The following ATG2B variants were observed in gnomAD, a reference collection of about 807,000 sequenced individuals.
ATG2B encodes autophagy-related protein 2 homolog B.
ATG2B carries 121 observed loss-of-function variants against 241.3 expected under a neutral mutation model. The ratio of observed to expected loss-of-function variants is 0.50; its 90% confidence interval spans 0.43 to 0.58. The LOEUF is 0.58. Ranked by LOEUF, ATG2B falls within the 20% of genes least tolerant of loss-of-function variation. The pLI is 0.00. For synonymous variants in ATG2B, 858 were observed against 876.6 expected, an observed-to-expected ratio of 0.98 and a Z score of 0.37; for missense variants, 2,306 against 2,491.6, an observed-to-expected ratio of 0.93 and a Z score of 1.59.
intron 1 of ATG2B, among the ~76,000 whole-genome samples, chr14:96,351,388 G>C (rs927609906): frequency 1.3e-5 from 2 of 152,158 alleles, no homozygotes; most frequent in Admixed American, 6.5e-5. Flanking sequence ...GATTGCTTGA[G>C]TCCAGGAATT....
At chr14:96,319,948 G>C (rs140218709) in intron 18 of ATG2B, among the ~76,000 whole-genome samples, 1,569 of 152,294 alleles carry the variant, frequency 0.01, 35 homozygotes, top group African/African-American at 0.036. Context: ...ATCCCAGAAA[G>C]TGAGGGAGCG....
At chr14:96,347,380 C>T in intron 1 of ATG2B, 39 bp from the exon 2 acceptor site, 1 of 1,492,148 alleles carries the variant, frequency 6.7e-7, no homozygotes, top group Non-Finnish European at 9.1e-7. Flanking sequence ...ATCACAAGAA[C>T]AAGAACACAA....
intron 1 of ATG2B, 32 bp downstream of exon 1, chr14:96,362,782 AG>A (rs749820066): frequency 1.1e-5 from 17 of 1,581,764 alleles, no homozygotes; most frequent in Non-Finnish European, 1.4e-5. Context: ...GAGGGGAGCG[AG>A]CCCCGCCCGG....
intron 11 of ATG2B, among the ~76,000 whole-genome samples, chr14:96,331,055 C>T (rs142486380): frequency 4.6e-5 from 7 of 152,310 alleles, no homozygotes; most frequent in African/African-American, 1.7e-4. Flanking sequence ...TTCACGACTG[C>T]AGTGGTGTCA....
At chr14:96,336,039 C>T (rs911198811) in intron 6 of ATG2B, among the ~76,000 whole-genome samples, 1 of 151,754 alleles carries the variant, frequency 6.6e-6, no homozygotes, top group East Asian at 1.9e-4. Context: ...TCTCTAAATT[C>T]AATACGGGCA....
intron 14 of ATG2B, among the ~76,000 whole-genome samples, chr14:96,327,646 A>G (rs1887619464): frequency 6.6e-6 from 1 of 152,208 alleles, no homozygotes; most frequent in South Asian, 2.1e-4. Flanking sequence ...AAGGAAACCT[A>G]ATTCCACTGT....
intron 1 of ATG2B, among the ~76,000 whole-genome samples, chr14:96,359,259 C>CTACT (rs1888561060): frequency 6.6e-6 from 1 of 151,992 alleles, no homozygotes; most frequent in South Asian, 2.1e-4. Context: ...GTAGTCCCAG[C>CTACT]TACTGCAGGG....
Position 96,347,187 on chromosome 14 carries a change from G to C in ATG2B, c.317C>G (p.Pro106Arg). 6.3e-7 allele frequency: 1 copy of C among 1,585,100 alleles called. No individual in the cohort carries two copies. The highest frequency in any genetic ancestry group is 1.3e-5 in the African/African-American group (1 of 74,674). Reference protein sequence around the residue: ...RGLEMVFRPRPRPATGSEPMY... With the variant: ...RGLEMVFRPRRRPATGSEPMY... ...ACATACAACACACCAACCTGGGCGA[G>C]GTCTAGGCCGGAAGACCATTTCTAA... Residue 106 changes from proline (P) to arginine (R), a missense_variant, in exon 2 of 42, where the codon CCT (proline) becomes CGT (arginine). This residue lies in a region of ATG2B where 1,927 missense variants were observed against 2,011.2 expected (regional missense o/e 0.96). Coordinates refer to ENST00000359933, the MANE Select transcript of ATG2B (RefSeq NM_018036.7).
At position 96,352,577 on chromosome 14, in the gene ATG2B, T is replaced by G. The variant is rs140448419; in HGVS notation, c.163-5236A>C. Among the ~76,000 whole-genome samples, 816 of 152,034 alleles carry G rather than the reference T, an allele frequency of 5.4e-3. 27 individuals are homozygous for G. In the South Asian group the frequency reaches 0.067, roughly 12 times the overall value. ...CCCTGTGTAGGCCTAGGCTGTGTTTTTTTGCGTCTTAGTTTTTGACAAAAA... is the reference window on the plus strand; with the variant it reads ...CCCTGTGTAGGCCTAGGCTGTGTTTGTTTGCGTCTTAGTTTTTGACAAAAA... On this transcript the variant is annotated intron_variant, in intron 1 of 41. Coordinates refer to ENST00000359933, the MANE Select transcript of ATG2B (RefSeq NM_018036.7).
intron 32 of ATG2B, 123 bp downstream of exon 32, chr14:96,304,372 C>A: frequency 3.2e-6 from 2 of 632,992 alleles, no homozygotes; most frequent in Non-Finnish European, 2.8e-6. Flanking sequence ...TATACAAGAT[C>A]CTTGCACTTT....
intron 32 of ATG2B, 64 bp downstream of exon 32, chr14:96,304,430 GA>G: frequency 8.3e-7 from 1 of 1,209,406 alleles, no homozygotes; most frequent in Non-Finnish European, 1.2e-6. Flanking sequence ...CGTGGTGGGG[GA>G]TAACAAAAGA....
In ATG2B at chr14:96,341,600, T is replaced by A; in HGVS notation, c.846A>T (p.Pro282=). The A allele has an allele frequency of 6.2e-7, 1 of 1,607,364 alleles. No individual in the cohort carries two copies. The highest frequency in any genetic ancestry group is 8.5e-7 in the Non-Finnish European group (1 of 1,175,860). ...RNLPEIAPSD[P]VQIGRLIGRL... is the part of the protein sequence containing the mutation. ...TACCAATTAACCGTCCAATCTGCAC[T>A]GGGTCAGAAGGTGCTATCTCTGGTA... The change falls in exon 6 of 42, where the codon CCA becomes CCT. Residue 282 remains proline, a synonymous_variant. Coordinates refer to ENST00000359933, the MANE Select transcript of ATG2B (RefSeq NM_018036.7).
intron 34 of ATG2B, among the ~76,000 whole-genome samples, chr14:96,299,989 C>T (rs564786147): frequency 1.2e-4 from 19 of 152,124 alleles, no homozygotes; most frequent in Non-Finnish European, 2.6e-4. Context: ...TTAAAAGAGG[C>T]GAACTGAAAA....
rs267604117 is a variant in ATG2B at position 96,289,755 on chromosome 14, G to A, written c.5907C>T (p.Ile1969=). 13 of 1,614,138 alleles carry A rather than the reference G, an allele frequency of 8.1e-6. No homozygotes were observed. The highest frequency in any genetic ancestry group is 3.3e-5 in the South Asian group (3 of 91,082). ...GAAACCTTTTGGTCTTCTTGGGCTC[G>A]ATAGAAAGGGTACCAGGAGACACCA... ...YDMVSPGTLS[I]EPKKTKRFPH... is the part of the protein sequence containing the mutation. Residue 1969 remains isoleucine (I), a synonymous_variant, in exon 41 of 42, where the codon ATC becomes ATT. Coordinates refer to ENST00000359933, the MANE Select transcript of ATG2B (RefSeq NM_018036.7). The surrounding 1 kb of genome is among the most constrained non-coding windows in gnomAD (Gnocchi z 4.3).
intron 41 of ATG2B, 76 bp from the exon 42 acceptor site, chr14:96,286,061 C>T: frequency 8.9e-7 from 1 of 1,125,838 alleles, no homozygotes; most frequent in East Asian, 2.6e-5. Context: ...AGCTATCCTG[C>T]AGTACACACT....
chr14:96,348,255 T>C (rs996182908), intron 1 of ATG2B, among the ~76,000 whole-genome samples: 3 of 152,196 alleles, frequency 2.0e-5, no homozygotes, highest in Non-Finnish European at 4.4e-5. Flanking sequence ...ACTTTGCATG[T>C]TCTCACTTAT....
In ATG2B at chr14:96,291,681, C is replaced by A. The variant is rs1364523545; in HGVS notation, c.5498G>T (p.Gly1833Val). 1.9e-6 allele frequency: 3 copies of A among 1,602,818 alleles called. No individual in the cohort carries two copies. Among genetic ancestry groups the A allele is most frequent in the South Asian group, 1.1e-5 (1 of 89,196 alleles). Residue 1833 changes from glycine to valine, a missense_variant and splice_region_variant, in exon 38 of 42, where the codon GGT becomes GTT. Physicochemically the swap from Gly to Val is moderately radical, Grantham distance 109. Around this residue, in one of 2 missense-constraint regions of ATG2B, gnomAD observed 379 missense variants for 480.4 expected, o/e 0.79. Transcript: ENST00000359933. ...YHGKHVSMDQ[G>V]TLAGILIGLA... ...ACCAATCAAAATCCCAGCTAGCGTACCCTTCAAAATTAAAAAAGGCCAAAT... is the reference window on the plus strand; with the variant it reads ...ACCAATCAAAATCCCAGCTAGCGTAACCTTCAAAATTAAAAAAGGCCAAAT...
At chr14:96,308,460 C>G (rs75759991) in intron 29 of ATG2B, among the ~76,000 whole-genome samples, 3 of 115,630 alleles carry the variant, frequency 2.6e-5, no homozygotes, top group Admixed American at 1.9e-4. Flanking sequence ...CCACATCTAG[C>G]TTTTTTTTTT....
rs756593235 is a variant in ATG2B, at chr14:96,313,332, T to A, written c.3746A>T (p.Tyr1249Phe). Residue 1249 changes from tyrosine to phenylalanine, a missense_variant, in exon 24 of 42, where the codon TAT becomes TTT. Coordinates refer to ENST00000359933, the MANE Select transcript of ATG2B (RefSeq NM_018036.7). ...HVHLWSCALD[Y>F]RPLYLPIRSL... Reference sequence around the variant, plus strand: ...TTTGTTCCATTTGTGAACTTACCTATAATCAAGTGCACAGCTCCAAAGATG... The same window carrying A: ...TTTGTTCCATTTGTGAACTTACCTAAAATCAAGTGCACAGCTCCAAAGATG... 6.3e-7 allele frequency: 1 copy of A among 1,575,202 alleles called. No individual in the cohort carries two copies. Among genetic ancestry groups the A allele is most frequent in the Non-Finnish European group, 8.6e-7 (1 of 1,164,862 alleles).
Sources: allele counts gnomAD v4.1 joint callset (sites outside exome capture counted in the v4.1 genomes callset), GRCh38; gene constraint gnomAD v4.1.1; regional missense constraint gnomAD v4.1.1; non-coding constraint Gnocchi (gnomAD v3.1); transcripts MANE v1.5; gene names NCBI Gene and HGNC (gene_info 2026-07-23, HGNC 2026-07-21).